Variants in AOAH observed in about 807,000 individuals in gnomAD.
The protein encoded by AOAH is acyloxyacyl hydrolase (neutrophil).
In AOAH, 64 loss-of-function variants were observed where a neutral mutation model predicts 92.2. That is an observed-to-expected ratio of 0.69 (90% CI 0.57 to 0.86). AOAH has a LOEUF of 0.86. Among genes scored for constraint, AOAH ranks in the 40% least tolerant of loss-of-function variants. AOAH has a pLI of 0.00. For synonymous variants in AOAH, 263 were observed against 254.5 expected, an observed-to-expected ratio of 1.03 and a Z score of -0.32; for missense variants, 656 against 694.6, an observed-to-expected ratio of 0.94 and a Z score of 0.62.
At chr7:36,629,653 T>C (rs545952943) in intron 6 of AOAH, among the ~76,000 whole-genome samples, 2 of 152,280 alleles carry the variant, frequency 1.3e-5, no homozygotes, top group South Asian at 4.1e-4. Context: ...GCCAGAAGAT[T>C]GGCTAGGAAG....
chr7:36,542,942 G>A (rs1785508245), intron 15 of AOAH, among the ~76,000 whole-genome samples: 1 of 152,164 alleles, frequency 6.6e-6, no homozygotes, highest in South Asian at 2.1e-4. Flanking sequence ...AATATAGAAA[G>A]ATGGCTAAAA....
chr7:36,587,271 C>CAACAAACAAAAA (rs1789408405), intron 12 of AOAH, among the ~76,000 whole-genome samples: 1 of 84,914 alleles, frequency 1.2e-5, no homozygotes, highest in African/African-American at 4.3e-5. Context: ...GACTCCGTCT[C>CAACAAACAAAAA]AAAAAAAAAA....
At chr7:36,639,570 AAAACCTTGCAAAGGAATATGTTAT>A (rs1325610987) in intron 4 of AOAH, among the ~76,000 whole-genome samples, 1 of 152,238 alleles carries the variant, frequency 6.6e-6, no homozygotes, top group Non-Finnish European at 1.5e-5. Flanking sequence ...CACATAGGAA[AAAACCTTGCAAAGGAATATGTTAT>A]AATAATGATG....
At chr7:36,648,285 T>C (rs188301204) in intron 4 of AOAH, among the ~76,000 whole-genome samples, 4 of 152,362 alleles carry the variant, frequency 2.6e-5, no homozygotes, top group Non-Finnish European at 5.9e-5. Flanking sequence ...GAAGTCCAAA[T>C]ACATAGGAGG....
intron 20 of AOAH, among the ~76,000 whole-genome samples, chr7:36,518,380 G>GTAT: frequency 6.6e-6 from 1 of 152,216 alleles, no homozygotes; most frequent in South Asian, 2.1e-4. Context: ...GCTAATTTTT[G>GTAT]TATTTTTAGT....
rs1787945383 is a variant in AOAH at position 36,569,477 on chromosome 7, CTAT to C, written c.1021+7094_1021+7096del. Among the ~76,000 whole-genome samples, 5 of 113,346 alleles carry C rather than the reference CTAT, an allele frequency of 4.4e-5. No individual in the cohort carries two copies. In the Admixed American group the frequency reaches 4.6e-4, roughly 10 times the overall value. The allele number at this position is 113,346 out of a possible 152,430, so 74.4% of individuals were successfully genotyped here. A position where few individuals can be genotyped will look rare whatever the true frequency, so the allele number is the denominator to read the frequency against. ...TTTTTATTTACTTAAAAAAATCTATCTATCTATCTATCTATCTATCTATCTATC... is the reference window on the plus strand; with the variant it reads ...TTTTTATTTACTTAAAAAAATCTATCCTATCTATCTATCTATCTATCTATC... On this transcript the variant is annotated intron_variant, in intron 13 of 20. Coordinates refer to ENST00000617537, the MANE Select transcript of AOAH (RefSeq NM_001637.4).
intron 3 of AOAH, among the ~76,000 whole-genome samples, chr7:36,673,170 T>C (rs935735214): frequency 1.3e-5 from 2 of 152,160 alleles, no homozygotes; most frequent in Non-Finnish European, 2.9e-5. Context: ...AAGACAGCCA[T>C]GTATGGATCA....
chr7:36,556,116 C>T (rs571836416), intron 13 of AOAH, among the ~76,000 whole-genome samples: 4 of 152,156 alleles, frequency 2.6e-5, no homozygotes, highest in African/African-American at 7.2e-5. Flanking sequence ...CTCTTGTGGA[C>T]ATTTAGTGCT....
chr7:36,528,288 G>A (rs576238523), intron 19 of AOAH, among the ~76,000 whole-genome samples: 6 of 152,352 alleles, frequency 3.9e-5, no homozygotes, highest in African/African-American at 7.2e-5. Flanking sequence ...TTTCTCCCAC[G>A]TTGATGTAGA....
intron 11 of AOAH, 58 bp from the exon 12 acceptor site, chr7:36,594,488 T>TAAGA: frequency 6.9e-7 from 1 of 1,442,036 alleles, no homozygotes. Context: ...CTAAAGGTAG[T>TAAGA]AAGAAAATTC....
intron 1 of AOAH, among the ~76,000 whole-genome samples, chr7:36,718,781 T>C (rs3936180): frequency 0.12 from 18,828 of 152,140 alleles, 1,414 homozygotes; most frequent in Middle Eastern, 0.23. Flanking sequence ...CCAAGGGCTA[T>C]AGAGAGAAGG....
At chr7:36,534,540 C>T (rs369230479) in intron 16 of AOAH, among the ~76,000 whole-genome samples, 4 of 152,202 alleles carry the variant, frequency 2.6e-5, no homozygotes, top group East Asian at 1.9e-4. Flanking sequence ...GGGGTGCTTG[C>T]GATGGGCTTA....
At chr7:36,659,378 C>T (rs1033388287) in intron 3 of AOAH, 113 bp from the exon 4 acceptor site, 1 of 836,538 alleles carries the variant, frequency 1.2e-6, no homozygotes, top group African/African-American at 1.7e-5. Context: ...CCCTCAACTC[C>T]TTGCAGAGTG....
Position 36,724,202 on chromosome 7 carries a change from G to A in AOAH, c.-54C>T. 6.2e-7 allele frequency: 1 copy of A among 1,602,268 alleles called. No individual in the cohort carries two copies. The highest frequency in any genetic ancestry group is 8.5e-7 in the Non-Finnish European group (1 of 1,172,970). On this transcript the variant is annotated 5_prime_UTR_variant, in exon 1 of 21. Transcript: ENST00000617537. The stretch of plus-strand genomic sequence containing the variant: ...CCGGCTTTGGAAGCTCCCAACTGAG[G>A]GATGCTGGAGCTGAGGCTGCAGAAT...
intron 1 of AOAH, among the ~76,000 whole-genome samples, chr7:36,696,695 A>C (rs1797732504): frequency 6.6e-6 from 1 of 152,014 alleles, no homozygotes; most frequent in South Asian, 2.1e-4. Context: ...CCCCGTCTCT[A>C]CTAAAAAAAC....
intron 4 of AOAH, among the ~76,000 whole-genome samples, chr7:36,654,890 T>C (rs1323160931): frequency 3.3e-5 from 5 of 152,210 alleles, no homozygotes; most frequent in Non-Finnish European, 5.9e-5. Flanking sequence ...CTGTATAGCC[T>C]GGGAAAATCC....
At position 36,618,639 on chromosome 7, in the gene AOAH, G is replaced by T. The variant is rs1390889624; in HGVS notation, c.703-294C>A. ...CAGGGGTCTCACCCCTCAGAGCATGGAGGGTCCACTGAGTGACTGGACACA... is the reference window on the plus strand; with the variant it reads ...CAGGGGTCTCACCCCTCAGAGCATGTAGGGTCCACTGAGTGACTGGACACA... On this transcript the variant is annotated intron_variant, in intron 9 of 20. Transcript: ENST00000617537. 5.9e-5 allele frequency among the ~76,000 whole-genome samples: 9 copies of T among 152,332 alleles called. No homozygotes were observed. In the South Asian group the frequency reaches 1.4e-3, roughly 25 times the overall value.
intron 1 of AOAH, among the ~76,000 whole-genome samples, chr7:36,691,373 G>A (rs1168092301): frequency 6.6e-6 from 1 of 152,198 alleles, no homozygotes; most frequent in Non-Finnish European, 1.5e-5. Flanking sequence ...GTATCTTACT[G>A]CTGGCCTTGT....
chr7:36,674,650 T>C (rs1796127265), intron 2 of AOAH, among the ~76,000 whole-genome samples: 2 of 152,244 alleles, frequency 1.3e-5, no homozygotes, highest in African/African-American at 4.8e-5. Context: ...TCTTTGGTCC[T>C]GTTTCTCCAG....
Sources: gnomAD v4.1 joint callset for allele counts (sites outside exome capture counted in the v4.1 genomes callset) on GRCh38, gnomAD v4.1.1 for gene constraint, MANE v1.5 for transcripts, NCBI Gene and HGNC (gene_info 2026-07-23, HGNC 2026-07-21) for gene names.